MARCHF5: variants seen among roughly 807,000 people sequenced by gnomAD.
MARCHF5 encodes E3 ubiquitin-protein ligase MARCHF5.
Under a neutral mutation model 36.5 loss-of-function variants are expected in MARCHF5, and 5 were observed. The ratio of observed to expected loss-of-function variants is 0.14; its 90% CI spans 0.07 to 0.29. The LOEUF is 0.29. Among genes scored for constraint, MARCHF5 ranks in the 10% least tolerant of loss-of-function variants. The pLI is 1.00. For missense variants in MARCHF5, 179 were observed against 336.3 expected (o/e 0.53, Z 3.66); for synonymous variants, 103 against 109.9 (o/e 0.94, Z 0.39).
At chr10:92,293,807 A>G (rs1219538438) in intron 1 of MARCHF5, among the ~76,000 whole-genome samples, 1 of 152,082 alleles carries the variant, frequency 6.6e-6, no homozygotes, top group Non-Finnish European at 1.5e-5. Context: ...TGAGGCATTT[A>G]AAACTTATTA....
At chr10:92,303,927 TC>T (rs1843044513) in intron 1 of MARCHF5, among the ~76,000 whole-genome samples, 1 of 152,204 alleles carries the variant, frequency 6.6e-6, no homozygotes. Flanking sequence ...TCATGATACT[TC>T]CCAGATCTCC....
chr10:92,298,052 G>T (rs772082462), intron 1 of MARCHF5, among the ~76,000 whole-genome samples: 2 of 152,112 alleles, frequency 1.3e-5, no homozygotes, highest in East Asian at 3.9e-4. Context: ...ACAAACATTA[G>T]TAGGGCATAG....
intron 1 of MARCHF5, among the ~76,000 whole-genome samples, chr10:92,300,155 C>T (rs1204666628): frequency 7.2e-6 from 1 of 139,702 alleles, no homozygotes; most frequent in Non-Finnish European, 1.6e-5. Flanking sequence ...AAAGCAAGAC[C>T]TTGTCTCAAA....
At position 92,351,143 on chromosome 10, in the gene MARCHF5, A is replaced by G. The variant is rs1466624319; in HGVS notation, c.773A>G (p.Gln258Arg). The G allele has an allele frequency of 6.2e-7, 1 of 1,613,828 alleles. No individual in the cohort carries two copies. The highest frequency in any genetic ancestry group is 8.5e-7 in the Non-Finnish European group (1 of 1,179,844). Residue 258 changes from glutamine to arginine, a missense_variant, in exon 6 of 6, where the codon CAG (glutamine) becomes CGG (arginine). Transcript: ENST00000358935. The stretch of plus-strand genomic sequence containing the variant: ...GGAGCATTTAAAGTTTACTTCAAAC[A>G]GCAGCAATATTTACGACAGGCACAC... ...IKGAFKVYFK[Q>R]QQYLRQAHRK...
Position 92,351,223 on chromosome 10 carries a change from G to A in MARCHF5, c.*16G>A, listed in dbSNP as rs374854909. The A allele has an allele frequency of 3.5e-6, 5 of 1,423,716 alleles. No individual in the cohort carries two copies. The South Asian group carries it at 3.5e-5, about 10-fold the overall frequency. The allele number at this position is 1,423,716 out of a possible 1,614,324, so 88.2% of individuals were successfully genotyped here. A position where few individuals can be genotyped will look rare whatever the true frequency, so the allele number is the denominator to read the frequency against. On this transcript the variant is annotated 3_prime_UTR_variant, in exon 6 of 6. Transcript: ENST00000358935. ...AGAAGCATAAAACTGACTTCTGGTT[G>A]TTCTGCAGTTCTCTCATCCTTATGA...
chr10:92,313,017 C>T (rs1221720272), intron 2 of MARCHF5, among the ~76,000 whole-genome samples: 3 of 152,094 alleles, frequency 2.0e-5, no homozygotes, highest in Non-Finnish European at 4.4e-5. Context: ...GGGCAGATCA[C>T]GAGGTCAGGA....
At chr10:92,318,569 G>A (rs1443455042) in intron 2 of MARCHF5, among the ~76,000 whole-genome samples, 1 of 150,556 alleles carries the variant, frequency 6.6e-6, no homozygotes, top group African/African-American at 2.4e-5. Context: ...AAAAAATACA[G>A]AAAATTAGCC....
intron 1 of MARCHF5, among the ~76,000 whole-genome samples, chr10:92,305,548 G>C (rs1311920572): frequency 1.3e-5 from 2 of 152,210 alleles, no homozygotes; most frequent in African/African-American, 2.4e-5. Flanking sequence ...CAGAGTTTCT[G>C]ATTCTGTAGG....
intron 2 of MARCHF5, chr10:92,333,666 T>C: frequency 1.0e-6 from 1 of 985,212 alleles, no homozygotes; most frequent in Non-Finnish European, 1.2e-6. Context: ...GGAAGCCTCA[T>C]GGGACATGGA....
At chr10:92,335,158 G>C (rs1411303072) in intron 2 of MARCHF5, among the ~76,000 whole-genome samples, 4 of 152,090 alleles carry the variant, frequency 2.6e-5, no homozygotes, top group Non-Finnish European at 1.5e-5. Flanking sequence ...CTCTCCACCA[G>C]AATTAAGGTT....
At position 92,353,673 on chromosome 10, in the gene MARCHF5, T is replaced by C. The variant is rs1212181881; in HGVS notation, c.*2466T>C. 3 of 152,646 alleles carry C rather than the reference T, an allele frequency of 2.0e-5. No individual in the cohort carries two copies. The highest frequency in any genetic ancestry group is 4.4e-5 in the Non-Finnish European group (3 of 68,040). 9.5% of individuals were successfully genotyped at this position (152,646 alleles called of 1,614,324 possible). On this transcript the variant is annotated 3_prime_UTR_variant, in exon 6 of 6. Coordinates refer to ENST00000358935, the MANE Select transcript of MARCHF5 (RefSeq NM_017824.5). The stretch of plus-strand genomic sequence containing the variant: ...TTTTATTTTCCAGTTTATTTTCATA[T>C]TTCTTTACTGTGTTATTTCTGGAAA...
Position 92,316,679 on chromosome 10 carries a change from C to G in MARCHF5, c.238+5342C>G, listed in dbSNP as rs572600587. Among the ~76,000 whole-genome samples, 3 of 152,248 alleles carry G rather than the reference C, an allele frequency of 2.0e-5. No individual in the cohort carries two copies. In the East Asian group the frequency reaches 5.8e-4, roughly 29 times the overall value. ...CTGGGCTCAAGCAGTCTTCTTGCCT[C>G]AGCCTTCCAAGTAGATGGGGTTACA... On this transcript the variant is annotated intron_variant, in intron 2 of 5. Coordinates refer to ENST00000358935, the MANE Select transcript of MARCHF5 (RefSeq NM_017824.5).
At chr10:92,347,921 G>A (rs958729423) in intron 3 of MARCHF5, among the ~76,000 whole-genome samples, 2 of 152,152 alleles carry the variant, frequency 1.3e-5, no homozygotes, top group African/African-American at 2.4e-5. Flanking sequence ...AGTGGCTCAC[G>A]CCTGTAATCC....
chr10:92,304,384 T>C (rs186168228), intron 1 of MARCHF5, among the ~76,000 whole-genome samples: 1 of 152,354 alleles, frequency 6.6e-6, no homozygotes, highest in East Asian at 1.9e-4. Flanking sequence ...ACATTTTTTA[T>C]GCTAAAACTC....
At chr10:92,310,342 G>A (rs924731966) in intron 1 of MARCHF5, among the ~76,000 whole-genome samples, 2 of 152,100 alleles carry the variant, frequency 1.3e-5, no homozygotes, top group African/African-American at 4.8e-5. Flanking sequence ...CAAAACTTGT[G>A]TTAATTGGGA....
chr10:92,352,066 A>G lies in MARCHF5; in HGVS notation c.*859A>G, dbSNP rs1843721892. On this transcript the variant is annotated 3_prime_UTR_variant, in exon 6 of 6. Coordinates refer to ENST00000358935, the MANE Select transcript of MARCHF5 (RefSeq NM_017824.5). ...GAGGATGATTTGCAAAAATAAAAAT[A>G]AAGTTATTTTACTCTCCTCTTGCAT... 1.3e-5 allele frequency: 2 copies of G among 152,594 alleles called. No individual in the cohort carries two copies. Among genetic ancestry groups the G allele is most frequent in the African/African-American group, 2.4e-5 (1 of 41,438 alleles). The allele number at this position is 152,594 out of a possible 1,614,324, so 9.5% of individuals were successfully genotyped here.
intron 2 of MARCHF5, among the ~76,000 whole-genome samples, chr10:92,316,495 A>T (rs1843211234): frequency 6.6e-6 from 1 of 152,194 alleles, no homozygotes; most frequent in Non-Finnish European, 1.5e-5. Flanking sequence ...ATTGTCTGGC[A>T]GTTATTAGGA....
chr10:92,333,162 C>A (rs897013208), intron 2 of MARCHF5, among the ~76,000 whole-genome samples: 2 of 43,544 alleles, frequency 4.6e-5, no homozygotes, highest in Non-Finnish European at 8.4e-5. Flanking sequence ...CTCCGTCTTG[C>A]CAAAAGAAAA....
chr10:92,297,198 ACTCCATTG>A (rs1842957118), intron 1 of MARCHF5, among the ~76,000 whole-genome samples: 2 of 135,082 alleles, frequency 1.5e-5, no homozygotes, highest in South Asian at 2.3e-4. Context: ...TCAGGGTCTT[ACTCCATTG>A]CTCAGGCTGG....
Sources: allele counts gnomAD v4.1 joint callset (sites outside exome capture counted in the v4.1 genomes callset), GRCh38; gene constraint gnomAD v4.1.1; transcripts MANE v1.5; gene names NCBI Gene and HGNC (gene_info 2026-07-23, HGNC 2026-07-21).